Variants in PTPRD observed in about 807,000 individuals in gnomAD.
PTPRD encodes the protein protein tyrosine phosphatase receptor type D.
In PTPRD, 34 loss-of-function variants were observed where a neutral mutation model predicts 214.5. That is an observed-to-expected ratio of 0.16 (90% CI 0.12 to 0.21). PTPRD has a LOEUF of 0.21. Ranked by LOEUF, PTPRD falls within the 10% of genes least tolerant of loss-of-function variation. PTPRD has a pLI of 1.00. For missense variants in PTPRD, 2,545 were observed against 2,398.7 expected (o/e 1.06, Z -1.27); for synonymous variants, 1,128 against 845.7 (o/e 1.33, Z -5.79).
chr9:9,773,334 G>C (rs1386001915), intron 5 of PTPRD, among the ~76,000 whole-genome samples: 1 of 152,150 alleles, frequency 6.6e-6, no homozygotes, highest in Non-Finnish European at 1.5e-5. Flanking sequence ...AGCCCAGGGA[G>C]AAGAATGTTT....
intron 2 of PTPRD, among the ~76,000 whole-genome samples, chr9:10,428,628 T>C (rs2098647752): frequency 1.3e-5 from 2 of 152,124 alleles, no homozygotes; most frequent in Admixed American, 1.3e-4. Context: ...GAGAGGATGT[T>C]ATTTTTAATA....
At chr9:10,141,035 G>C (rs1181751142) in intron 3 of PTPRD, among the ~76,000 whole-genome samples, 1 of 151,980 alleles carries the variant, frequency 6.6e-6, no homozygotes, top group Non-Finnish European at 1.5e-5. Flanking sequence ...AAAGGCCTTT[G>C]ACAAAATTCA....
intron 8 of PTPRD, among the ~76,000 whole-genome samples, chr9:9,422,505 T>C (rs538997773): frequency 1.3e-4 from 20 of 152,236 alleles, no homozygotes; most frequent in Middle Eastern, 3.4e-3. Context: ...TGCTAGGATG[T>C]TAGGACAAAG....
At chr9:10,330,430 A>G (rs1467522827) in intron 3 of PTPRD, among the ~76,000 whole-genome samples, 1 of 151,846 alleles carries the variant, frequency 6.6e-6, no homozygotes, top group Admixed American at 6.6e-5. Flanking sequence ...AAGATAATGT[A>G]GGAATCTTCT....
chr9:8,449,982 G>A (rs572172324), intron 33 of PTPRD, 145 bp from the exon 34 acceptor site: 36 of 751,714 alleles, frequency 4.8e-5, no homozygotes, highest in African/African-American at 4.6e-4. Flanking sequence ...GACCCAGTTC[G>A]GGTTGCTTTT....
intron 11 of PTPRD, among the ~76,000 whole-genome samples, chr9:8,889,233 C>A (rs2098516767): frequency 6.6e-6 from 1 of 151,866 alleles, no homozygotes; most frequent in African/African-American, 2.4e-5. Context: ...ACCAGAAATA[C>A]AGAGAGATGG....
intron 2 of PTPRD, among the ~76,000 whole-genome samples, chr9:10,569,667 C>T (rs549231133): frequency 2.0e-5 from 3 of 151,986 alleles, no homozygotes; most frequent in African/African-American, 7.2e-5. Context: ...CTCTATAATC[C>T]ACTTTTTCTT....
chr9:10,114,136 G>C (rs1183426265), intron 3 of PTPRD, among the ~76,000 whole-genome samples: 2 of 152,108 alleles, frequency 1.3e-5, no homozygotes, highest in Non-Finnish European at 1.5e-5. Flanking sequence ...GCACTGTAAA[G>C]GTGGAAAGAA....
chr9:9,127,880 G>A (rs937127936), intron 10 of PTPRD, among the ~76,000 whole-genome samples: 5 of 152,134 alleles, frequency 3.3e-5, no homozygotes, highest in Non-Finnish European at 7.4e-5. Context: ...TTTGAATTTC[G>A]TATATCTTCT....
chr9:9,594,137 T>C (rs1208688978), intron 7 of PTPRD, among the ~76,000 whole-genome samples: 2 of 152,066 alleles, frequency 1.3e-5, no homozygotes, highest in African/African-American at 2.4e-5. Flanking sequence ...CACTTACTAA[T>C]CTAGAAGTTA....
intron 40 of PTPRD, 32 bp downstream of exon 40, chr9:8,341,661 C>T (rs768051610): frequency 6.2e-7 from 1 of 1,603,136 alleles, no homozygotes; most frequent in East Asian, 2.2e-5. Context: ...ATGACTTGCT[C>T]CTGAATAACC....
intron 2 of PTPRD, among the ~76,000 whole-genome samples, chr9:10,512,022 A>G (rs1352554450): frequency 1.8e-5 from 1 of 56,996 alleles, no homozygotes. Flanking sequence ...GTGTGTGTAT[A>G]TATATATGTA....
intron 8 of PTPRD, among the ~76,000 whole-genome samples, chr9:9,415,050 G>T (rs904490546): frequency 6.6e-5 from 10 of 152,102 alleles, no homozygotes; most frequent in African/African-American, 2.2e-4. Flanking sequence ...TTTTGAACTG[G>T]ACCTAATTAC....
chr9:8,702,221 A>C (rs7854078), intron 12 of PTPRD, among the ~76,000 whole-genome samples: 95,639 of 151,036 alleles, frequency 0.63, 30,678 homozygotes, highest in Admixed American at 0.69. Context: ...TATAGGACAG[A>C]ATGGCTGCCA....
intron 14 of PTPRD, among the ~76,000 whole-genome samples, chr9:8,595,392 A>G (rs1247795763): frequency 6.6e-6 from 1 of 152,130 alleles, no homozygotes; most frequent in South Asian, 2.1e-4. Flanking sequence ...GTTGAGAGAG[A>G]CAGTTTAGAA....
chr9:10,012,394 G>C (rs928739866), intron 4 of PTPRD, among the ~76,000 whole-genome samples: 1 of 151,848 alleles, frequency 6.6e-6, no homozygotes, highest in South Asian at 2.1e-4. Flanking sequence ...CTGTTCCTTT[G>C]AGTACTATCA....
At chr9:9,856,008 G>T (rs1012677823) in intron 5 of PTPRD, among the ~76,000 whole-genome samples, 1 of 152,178 alleles carries the variant, frequency 6.6e-6, no homozygotes, top group African/African-American at 2.4e-5. Context: ...AAATGAGATC[G>T]CAAGAATGAG....
At chr9:9,060,448 T>A (rs975766022) in intron 10 of PTPRD, among the ~76,000 whole-genome samples, 3 of 151,844 alleles carry the variant, frequency 2.0e-5, no homozygotes, top group Non-Finnish European at 4.4e-5. Flanking sequence ...AGAAGAAAAA[T>A]TTCTGCAATA....
At chr9:9,690,499 T>C (rs1166657945) in intron 7 of PTPRD, among the ~76,000 whole-genome samples, 1 of 151,934 alleles carries the variant, frequency 6.6e-6, no homozygotes, top group Non-Finnish European at 1.5e-5. Context: ...TAATCCCATT[T>C]GTTTTTGTTG....
Sources: gnomAD v4.1 joint callset for allele counts (sites outside exome capture counted in the v4.1 genomes callset) on GRCh38, gnomAD v4.1.1 for gene constraint, MANE v1.5 for transcripts, NCBI Gene and HGNC (gene_info 2026-07-23, HGNC 2026-07-21) for gene names.